The following LRRN3 variants were observed in gnomAD, a reference collection of about 807,000 sequenced individuals.
The protein encoded by LRRN3 is leucine rich repeat neuronal 3, also known as leucine-rich repeat neuronal protein 3.
In LRRN3, 15 loss-of-function variants were observed where a neutral mutation model predicts 40.1. The ratio of observed to expected loss-of-function variants is 0.37; its 90% CI spans 0.25 to 0.58. LRRN3 has a LOEUF of 0.58. LRRN3 is among the 20% of genes least tolerant of loss of function. The pLI, the probability that LRRN3 is intolerant of heterozygous loss-of-function variation, is 0.72. For missense variants in LRRN3, 746 were observed against 837.7 expected (o/e 0.89, Z 1.35); for synonymous variants, 308 against 297.2 (o/e 1.04, Z -0.37).
chr7:111,115,179 T>G (rs1799728397), intron 2 of LRRN3, among the ~76,000 whole-genome samples: 1 of 152,132 alleles, frequency 6.6e-6, no homozygotes, highest in South Asian at 2.1e-4. Flanking sequence ...GCAATCAAAC[T>G]CCATTGGCTC....
In LRRN3 at chr7:111,124,575, A is replaced by G. The variant is rs1801062230; in HGVS notation, c.1803A>G (p.Lys601=). 1 of 1,613,960 alleles carries G rather than the reference A, an allele frequency of 6.2e-7. No individual in the cohort carries two copies. Among genetic ancestry groups the G allele is most frequent in the Non-Finnish European group, 8.5e-7 (1 of 1,180,006 alleles). ...TTGATATTCCCACCATCTATCAGAA[A>G]AACAGAAAAAAATGTGTAAATGTCA... ...ICIDIPTIYQ[K]NRKKCVNVTT... The change falls in exon 3 of 3, where the codon AAA becomes AAG. Residue 601 remains lysine (K), a synonymous_variant. Coordinates refer to ENST00000308478, the MANE Select transcript of LRRN3 (RefSeq NM_001099658.2).
intron 1 of LRRN3, among the ~76,000 whole-genome samples, chr7:111,093,240 T>C (rs978097121): frequency 2.6e-5 from 4 of 152,190 alleles, no homozygotes; most frequent in Non-Finnish European, 4.4e-5. Context: ...GCTTGCAATA[T>C]TGGCAGCTTT....
At chr7:111,122,206 A>G (rs1017457525) in intron 2 of LRRN3, among the ~76,000 whole-genome samples, 9 of 150,360 alleles carry the variant, frequency 6.0e-5, no homozygotes, top group Non-Finnish European at 1.2e-4. Flanking sequence ...CATGTACCCT[A>G]AAACTTAAAG....
At chr7:111,116,716 A>C (rs922076325) in intron 2 of LRRN3, among the ~76,000 whole-genome samples, 1 of 152,122 alleles carries the variant, frequency 6.6e-6, no homozygotes, top group Non-Finnish European at 1.5e-5. Flanking sequence ...CTTCCACAAT[A>C]CTCAACTGCC....
Position 111,105,900 on chromosome 7 carries a change from A to G in LRRN3, c.-359+5938A>G, listed in dbSNP as rs544380777. Among the ~76,000 whole-genome samples, 47 of 152,000 alleles carry G rather than the reference A, an allele frequency of 3.1e-4. No individual in the cohort carries two copies. In the South Asian group the frequency reaches 6.4e-3, roughly 21 times the overall value. On this transcript the variant is annotated intron_variant, in intron 2 of 2. Transcript: ENST00000308478. ...TCTTTTAGCCAGTTTAACTCCACTG[A>G]TGTATGTATCAAATCTACGCATGAC...
At chr7:111,111,714 A>G (rs533469262) in intron 2 of LRRN3, among the ~76,000 whole-genome samples, 1 of 151,960 alleles carries the variant, frequency 6.6e-6, no homozygotes, top group South Asian at 2.1e-4. Context: ...TAGGCAACCA[A>G]ATTTTGCAAA....
At chr7:111,098,879 C>T (rs955855786) in intron 1 of LRRN3, among the ~76,000 whole-genome samples, 4 of 151,806 alleles carry the variant, frequency 2.6e-5, no homozygotes, top group East Asian at 1.9e-4. Context: ...TAGTTGATAT[C>T]GCCTTCCAAG....
chr7:111,104,179 C>G (rs1272458117), intron 2 of LRRN3, among the ~76,000 whole-genome samples: 3 of 151,566 alleles, frequency 2.0e-5, no homozygotes, highest in African/African-American at 7.3e-5. Context: ...ATGCACATAC[C>G]TGCCTTTACT....
rs1801080402 is a variant in LRRN3, at chr7:111,124,686, G to T, written c.1914G>T (p.Gly638=). The stretch of plus-strand genomic sequence containing the variant: ...TGGCCTGTCTTGGAGGCCTTCTGGG[G>T]ATTATTGGTGTGATATGTCTTATCA... ...TLMACLGGLL[G]IIGVICLISC... is the part of the protein sequence containing the mutation. The change falls in exon 3 of 3, where the codon GGG becomes GGT. Residue 638 remains glycine, a synonymous_variant. Transcript: ENST00000308478. 1.2e-6 allele frequency: 2 copies of T among 1,613,904 alleles called. No individual in the cohort carries two copies. Among genetic ancestry groups the T allele is most frequent in the African/African-American group, 2.7e-5 (2 of 75,020 alleles).
Position 111,122,899 on chromosome 7 carries a change from C to T in LRRN3, c.127C>T (p.Pro43Ser), listed in dbSNP as rs142475039. The change falls in exon 3 of 3, where the codon CCC becomes TCC. Residue 43 changes from proline to serine, a missense_variant. By Grantham distance (74) the Pro-to-Ser change is moderately conservative. Transcript: ENST00000308478. The stretch of plus-strand genomic sequence containing the variant: ...GTGTGAAATCAGGCCTTGGTTTACA[C>T]CCAGATCCATTTATATGGAAGCATC... ...CTCEIRPWFT[P>S]RSIYMEASTV... 6.2e-7 allele frequency: 1 copy of T among 1,613,986 alleles called. No homozygotes were observed. Among genetic ancestry groups the T allele is most frequent in the Admixed American group, 1.7e-5 (1 of 59,986 alleles).
At chr7:111,094,353 C>T (rs536572748) in intron 1 of LRRN3, among the ~76,000 whole-genome samples, 2 of 152,174 alleles carry the variant, frequency 1.3e-5, no homozygotes, top group Admixed American at 1.3e-4. Context: ...TAAAAGAAAG[C>T]TAATAGTAGA....
intron 1 of LRRN3, among the ~76,000 whole-genome samples, chr7:111,097,671 C>T (rs1012270807): frequency 2.0e-5 from 3 of 151,774 alleles, no homozygotes; most frequent in Non-Finnish European, 2.9e-5. Flanking sequence ...TTTACTGTAT[C>T]GCTATATTTA....
At chr7:111,093,716 C>A (rs1355039825) in intron 1 of LRRN3, among the ~76,000 whole-genome samples, 1 of 152,158 alleles carries the variant, frequency 6.6e-6, no homozygotes, top group Non-Finnish European at 1.5e-5. Flanking sequence ...TGTTGCCACT[C>A]AGTGTGTGCC....
At chr7:111,109,839 T>TA (rs544671424) in intron 2 of LRRN3, among the ~76,000 whole-genome samples, 15 of 152,136 alleles carry the variant, frequency 9.9e-5, no homozygotes, top group Non-Finnish European at 1.5e-4. Context: ...AAAGGGCCCT[T>TA]AAAAAGTCTT....
At chr7:111,120,848 G>A (rs956082170) in intron 2 of LRRN3, among the ~76,000 whole-genome samples, 4 of 151,914 alleles carry the variant, frequency 2.6e-5, no homozygotes, top group African/African-American at 9.7e-5. Context: ...CTGTCTCCTG[G>A]GAACCTGTTG....
At chr7:111,115,975 C>T (rs1204820249) in intron 2 of LRRN3, among the ~76,000 whole-genome samples, 1 of 152,130 alleles carries the variant, frequency 6.6e-6, no homozygotes, top group East Asian at 1.9e-4. Flanking sequence ...CCACATCCGG[C>T]CGGAATTATT....
intron 2 of LRRN3, among the ~76,000 whole-genome samples, chr7:111,111,408 C>G (rs920820700): frequency 4.6e-5 from 7 of 151,114 alleles, no homozygotes; most frequent in African/African-American, 1.7e-4. Flanking sequence ...TCCATCCCCC[C>G]CCAAAAAAAA....
intron 2 of LRRN3, among the ~76,000 whole-genome samples, chr7:111,100,964 G>T (rs1360616105): frequency 5.9e-5 from 9 of 151,364 alleles, no homozygotes; most frequent in Non-Finnish European, 1.2e-4. Context: ...TCTATATTTT[G>T]TAAAGATGAT....
intron 1 of LRRN3, among the ~76,000 whole-genome samples, chr7:111,094,547 A>T (rs1797205806): frequency 6.6e-6 from 1 of 152,130 alleles, no homozygotes; most frequent in African/African-American, 2.4e-5. Flanking sequence ...ATGAAACTAA[A>T]TAAAGCAGGT....
Sources: gnomAD v4.1 joint callset for allele counts (sites outside exome capture counted in the v4.1 genomes callset) on GRCh38, gnomAD v4.1.1 for gene constraint, MANE v1.5 for transcripts, NCBI Gene and HGNC (gene_info 2026-07-23, HGNC 2026-07-21) for gene names.